The following GRID2 variants were observed in gnomAD, a reference collection of about 807,000 sequenced individuals.
GRID2 encodes glutamate ionotropic receptor delta type subunit 2, also known as glutamate receptor ionotropic, delta-2.
GRID2 carries 33 observed loss-of-function variants against 114.8 expected under a neutral mutation model. The ratio of observed to expected loss-of-function variants is 0.29; its 90% CI spans 0.22 to 0.38. The LOEUF (loss-of-function observed/expected upper bound fraction) is 0.38. Among genes scored for constraint, GRID2 ranks in the 10% least tolerant of loss-of-function variants. The pLI is 1.00. For missense variants in GRID2, 1,184 were observed against 1,257.7 expected, an observed-to-expected ratio of 0.94 and a Z score of 0.89; for synonymous variants, 505 against 449.9, an observed-to-expected ratio of 1.12 and a Z score of -1.55.
At chr4:92,888,340 A>T (rs1746517243) in intron 2 of GRID2, among the ~76,000 whole-genome samples, 1 of 152,160 alleles carries the variant, frequency 6.6e-6, no homozygotes, top group Non-Finnish European at 1.5e-5. Flanking sequence ...AATATTTAGT[A>T]AGAAAGTAAT....
chr4:93,712,892 C>T (rs1578636893), intron 14 of GRID2, among the ~76,000 whole-genome samples: 2 of 152,070 alleles, frequency 1.3e-5, no homozygotes, highest in Non-Finnish European at 2.9e-5. Flanking sequence ...CTTCTTCCAT[C>T]CAATTTGTAA....
intron 1 of GRID2, among the ~76,000 whole-genome samples, chr4:92,444,264 A>C (rs188664102): frequency 6.6e-6 from 1 of 152,178 alleles, no homozygotes; most frequent in African/African-American, 2.4e-5. Context: ...ACATCTGCTT[A>C]TTTCACCTGG....
At chr4:92,539,332 G>T (rs2149160791) in intron 1 of GRID2, among the ~76,000 whole-genome samples, 1 of 152,062 alleles carries the variant, frequency 6.6e-6, no homozygotes, top group South Asian at 2.1e-4. Context: ...ACTATAAAAT[G>T]GTGGCCTTTT....
intron 4 of GRID2, among the ~76,000 whole-genome samples, chr4:93,164,159 G>C (rs1038545862): frequency 5.3e-5 from 8 of 151,192 alleles, no homozygotes; most frequent in Non-Finnish European, 1.0e-4. Flanking sequence ...GCCCGGGGGG[G>C]GAAAAAAAAG....
At chr4:93,327,443 A>G (rs1394243643) in intron 8 of GRID2, among the ~76,000 whole-genome samples, 1 of 147,938 alleles carries the variant, frequency 6.8e-6, no homozygotes, top group Non-Finnish European at 1.5e-5. Flanking sequence ...CTAGTATCCA[A>G]TCCAGGAACA....
At chr4:93,800,993 A>G (rs757112715) in intron 1 of GRID2, among the ~76,000 whole-genome samples, 1 of 152,212 alleles carries the variant, frequency 6.6e-6, no homozygotes, top group Non-Finnish European at 1.5e-5. Flanking sequence ...TTAGTGCTCA[A>G]TACAACTAAT....
intron 2 of GRID2, among the ~76,000 whole-genome samples, chr4:92,609,036 C>A (rs1729591813): frequency 6.6e-6 from 1 of 151,612 alleles, no homozygotes; most frequent in African/African-American, 2.4e-5. Context: ...AGTCATAATA[C>A]AAAGTACAGT....
intron 1 of GRID2, among the ~76,000 whole-genome samples, chr4:92,464,217 G>A (rs1721637824): frequency 6.6e-6 from 1 of 151,952 alleles, no homozygotes; most frequent in Non-Finnish European, 1.5e-5. Context: ...AAAGATAGTG[G>A]AAATAGCACA....
chr4:92,600,040 GTGTGTATATATATATA>G (rs1408337154), intron 2 of GRID2, among the ~76,000 whole-genome samples: 7 of 70,724 alleles, frequency 9.9e-5, no homozygotes, highest in African/African-American at 3.4e-4. Flanking sequence ...GTGTGTGTGT[GTGTGTATATATATATA>G]TATATATATA....
intron 2 of GRID2, among the ~76,000 whole-genome samples, chr4:92,751,666 C>G (rs1264177348): frequency 1.3e-5 from 2 of 152,114 alleles, no homozygotes; most frequent in African/African-American, 4.8e-5. Flanking sequence ...CCTTTGCCTT[C>G]AATGTCAGAC....
intron 4 of GRID2, among the ~76,000 whole-genome samples, chr4:93,170,834 C>T (rs1178941142): frequency 6.6e-6 from 1 of 151,188 alleles, no homozygotes; most frequent in Admixed American, 6.6e-5. Flanking sequence ...TGACGATTTT[C>T]CTTAGAGTCA....
chr4:92,442,883 A>T (rs966399605), intron 1 of GRID2, among the ~76,000 whole-genome samples: 1 of 152,044 alleles, frequency 6.6e-6, no homozygotes, highest in Non-Finnish European at 1.5e-5. Flanking sequence ...GTTGGGCAGG[A>T]GGGGGAGGGC....
Position 92,406,915 on chromosome 4 carries a change from G to A in GRID2, c.88+102171G>A, listed in dbSNP as rs539686343. Among the ~76,000 whole-genome samples, 87 of 151,880 alleles carry A rather than the reference G, an allele frequency of 5.7e-4. 1 individual carries two copies. In the Middle Eastern group the frequency reaches 0.024, roughly 42 times the overall value. On this transcript the variant is annotated intron_variant, in intron 1 of 15. Coordinates refer to ENST00000282020, the MANE Select transcript of GRID2 (RefSeq NM_001510.4). ...TTCTTACGGCTGCATGTATTAATCC[G>A]TTCTCACACTGCTATAAAGATACTA...
chr4:93,653,901 C>T (rs1222599021), intron 14 of GRID2, among the ~76,000 whole-genome samples: 2 of 152,126 alleles, frequency 1.3e-5, no homozygotes, highest in Non-Finnish European at 1.5e-5. Flanking sequence ...CATGGGAAAA[C>T]TTTATTTGCC....
intron 9 of GRID2, among the ~76,000 whole-genome samples, chr4:93,407,702 TCTC>T (rs200696257): frequency 4.3e-5 from 5 of 117,432 alleles, no homozygotes; most frequent in South Asian, 2.6e-4. Context: ...GTTTGGAAGG[TCTC>T]CTCCTCCTCC....
At chr4:92,681,297 T>C (rs796427149) in intron 2 of GRID2, among the ~76,000 whole-genome samples, 51 of 152,334 alleles carry the variant, frequency 3.3e-4, no homozygotes, top group African/African-American at 1.2e-3. Flanking sequence ...TTTGAATTGA[T>C]GAAACTGTTC....
chr4:93,163,598 C>T (rs1189000287), intron 4 of GRID2, among the ~76,000 whole-genome samples: 1 of 147,892 alleles, frequency 6.8e-6, no homozygotes, highest in African/African-American at 2.5e-5. Context: ...AAAAATTTAG[C>T]AGAATTTAAA....
chr4:93,035,373 C>T (rs1004837906), intron 2 of GRID2, among the ~76,000 whole-genome samples: 3 of 152,152 alleles, frequency 2.0e-5, no homozygotes, highest in East Asian at 1.9e-4. Context: ...CTAGACCTCC[C>T]GTACTGCTGG....
chr4:93,410,966 T>C (rs962398580), intron 9 of GRID2, among the ~76,000 whole-genome samples: 2 of 152,224 alleles, frequency 1.3e-5, no homozygotes, highest in African/African-American at 4.8e-5. Context: ...TTGAATGACT[T>C]CATTTACTTT....
Sources: gnomAD v4.1 joint callset for allele counts (sites outside exome capture counted in the v4.1 genomes callset) on GRCh38, gnomAD v4.1.1 for gene constraint, MANE v1.5 for transcripts, NCBI Gene and HGNC (gene_info 2026-07-23, HGNC 2026-07-21) for gene names.